Variants in PTPRN2 observed in about 807,000 individuals in gnomAD.
PTPRN2 encodes the protein protein tyrosine phosphatase receptor type N2, also known as receptor-type tyrosine-protein phosphatase N2.
In PTPRN2, 74 loss-of-function variants were observed where a neutral mutation model predicts 118.8. The ratio of observed to expected loss-of-function variants is 0.62; its 90% CI spans 0.52 to 0.76. The LOEUF is 0.76. PTPRN2 is among the 30% of genes least tolerant of loss of function. The probability of loss-of-function intolerance (pLI) is 0.00; values close to 1 mark genes in which losing one functional copy is unlikely to be tolerated. For synonymous variants in PTPRN2, 641 were observed against 608.0 expected (o/e 1.05, Z -0.80); for missense variants, 1,481 against 1,394.4 (o/e 1.06, Z -0.99).
chr7:158,558,540 C>A (rs911122122), intron 1 of PTPRN2, among the ~76,000 whole-genome samples: 1 of 151,988 alleles, frequency 6.6e-6, no homozygotes, highest in Non-Finnish European at 1.5e-5. Context: ...CAGAGCCCAG[C>A]GGAGGCAGGG....
chr7:157,680,012 A>G (rs1272037406), intron 13 of PTPRN2, among the ~76,000 whole-genome samples: 1 of 152,198 alleles, frequency 6.6e-6, no homozygotes, highest in Non-Finnish European at 1.5e-5. Flanking sequence ...TTCCCCAGGT[A>G]AGAACACAAG....
chr7:158,153,124 C>T (rs775899511), intron 6 of PTPRN2, among the ~76,000 whole-genome samples: 8 of 152,172 alleles, frequency 5.3e-5, no homozygotes, highest in East Asian at 1.9e-4. Context: ...CATCGACCAG[C>T]GGAACGATGC....
intron 1 of PTPRN2, among the ~76,000 whole-genome samples, chr7:158,554,230 A>C (rs1311068131): frequency 6.6e-6 from 1 of 152,188 alleles, no homozygotes; most frequent in Non-Finnish European, 1.5e-5. Flanking sequence ...GCGCCACTGC[A>C]CTCCAGCCTG....
intron 11 of PTPRN2, among the ~76,000 whole-genome samples, chr7:158,058,295 T>C (rs34048153): frequency 7.1e-6 from 1 of 140,850 alleles, no homozygotes; most frequent in African/African-American, 2.7e-5. Context: ...CGGTGAGACA[T>C]CACTGCAGCC....
At chr7:158,383,363 A>G (rs1811106672) in intron 2 of PTPRN2, among the ~76,000 whole-genome samples, 1 of 152,222 alleles carries the variant, frequency 6.6e-6, no homozygotes, top group South Asian at 2.1e-4. Flanking sequence ...CAGAGCAATC[A>G]TGCACATAAT....
rs1203020094 is a variant in PTPRN2, at chr7:157,953,740, T to A, written c.1724-55003A>T. 6.6e-6 allele frequency among the ~76,000 whole-genome samples: 1 copy of A among 152,028 alleles called. No homozygotes were observed. The highest frequency in any genetic ancestry group is 2.4e-5 in the African/African-American group (1 of 41,380). On this transcript the variant is annotated intron_variant, in intron 11 of 22. Coordinates refer to ENST00000389418, the MANE Select transcript of PTPRN2 (RefSeq NM_002847.5). The surrounding 1 kb of genome is among the most constrained non-coding windows in gnomAD (Gnocchi z 4.6). ...TCTGAGGACTCAGACCCGGGGCAGC[T>A]GGTGGAAGCTGGGGTTAAGAGTGGA... is the stretch of plus-strand genomic sequence containing the variant.
chr7:157,974,138 C>A lies in PTPRN2; in HGVS notation c.1724-75401G>T, dbSNP rs1190475977. Among the ~76,000 whole-genome samples the A allele has an allele frequency of 1.3e-5, 2 of 152,206 alleles. No individual in the cohort carries two copies. The highest frequency in any genetic ancestry group is 1.3e-4 in the Admixed American group (2 of 15,284). ...GTGGGTTGGCGGTGTTGACGCTGCA[C>A]AGGTCATGAGCGCCGGCCCTGCGGA... On this transcript the variant is annotated intron_variant, in intron 11 of 22. Transcript: ENST00000389418. The surrounding 1 kb of genome is among the most constrained non-coding windows in gnomAD (Gnocchi z 4.0).
intron 22 of PTPRN2, among the ~76,000 whole-genome samples, chr7:157,542,714 C>T (rs79420672): frequency 0.01 from 1,554 of 152,316 alleles, 20 homozygotes; most frequent in African/African-American, 0.036. Flanking sequence ...AGGTGCTCTA[C>T]TCACTGGCCA....
intron 2 of PTPRN2, among the ~76,000 whole-genome samples, chr7:158,477,671 T>C (rs565685609): frequency 6.6e-6 from 1 of 152,342 alleles, no homozygotes; most frequent in South Asian, 2.1e-4. Flanking sequence ...CTGAATTTTC[T>C]ATTAAAGCAA....
intron 12 of PTPRN2, among the ~76,000 whole-genome samples, chr7:157,702,017 C>G (rs949098510): frequency 7.0e-6 from 1 of 143,230 alleles, no homozygotes; most frequent in Non-Finnish European, 1.5e-5. Flanking sequence ...GTAACTGACG[C>G]GGGCTGTGCA....
At chr7:158,411,219 G>C (rs901130985) in intron 2 of PTPRN2, among the ~76,000 whole-genome samples, 16 of 152,162 alleles carry the variant, frequency 1.1e-4, no homozygotes, top group Non-Finnish European at 1.5e-5. Flanking sequence ...CTCCGTTTCT[G>C]CCTCCCACGG....
rs1803673549 is a variant in PTPRN2 at position 157,627,765 on chromosome 7, G to A, written c.2197-6256C>T. ...ATTCCTAGATCAAACCATTCATGGA[G>A]AAAGCTACGGGGACTCAGGAAGTGG... On this transcript the variant is annotated intron_variant, in intron 14 of 22. Coordinates refer to ENST00000389418, the MANE Select transcript of PTPRN2 (RefSeq NM_002847.5). This position sits in a 1 kb window ranked among gnomAD's most constrained non-coding sequence, Gnocchi z 4.2. 6.6e-6 allele frequency among the ~76,000 whole-genome samples: 1 copy of A among 152,138 alleles called. No individual in the cohort carries two copies. The highest frequency in any genetic ancestry group is 2.4e-5 in the African/African-American group (1 of 41,424).
intron 12 of PTPRN2, among the ~76,000 whole-genome samples, chr7:157,882,474 C>CA (rs1312644607): frequency 8.5e-6 from 1 of 117,486 alleles, no homozygotes; most frequent in African/African-American, 3.2e-5. Context: ...ACACCACCCC[C>CA]AAAATGACTG....
At chr7:157,791,179 G>A (rs1008606281) in intron 12 of PTPRN2, among the ~76,000 whole-genome samples, 1 of 152,192 alleles carries the variant, frequency 6.6e-6, no homozygotes, top group Non-Finnish European at 1.5e-5. Flanking sequence ...ACAAGCTCTC[G>A]CGGAGGGTAT....
intron 1 of PTPRN2, among the ~76,000 whole-genome samples, chr7:158,538,108 A>G (rs1586900514): frequency 1.3e-5 from 2 of 152,224 alleles, no homozygotes; most frequent in Non-Finnish European, 2.9e-5. Context: ...CCCCCTGTGG[A>G]GCTCTCTTCC....
chr7:158,464,840 A>G (rs1221302219), intron 2 of PTPRN2, among the ~76,000 whole-genome samples: 1 of 152,242 alleles, frequency 6.6e-6, no homozygotes, highest in African/African-American at 2.4e-5. Flanking sequence ...CATCACCATC[A>G]TCATCCTTAC....
At chr7:158,329,538 G>A (rs552061279) in intron 2 of PTPRN2, among the ~76,000 whole-genome samples, 36 of 152,274 alleles carry the variant, frequency 2.4e-4, no homozygotes, top group African/African-American at 7.9e-4. Context: ...AGGAGGCACC[G>A]TCGATGAGCC....
chr7:158,585,166 G>GC (rs1259695435), intron 1 of PTPRN2, among the ~76,000 whole-genome samples: 1 of 152,188 alleles, frequency 6.6e-6, no homozygotes, highest in Non-Finnish European at 1.5e-5. Flanking sequence ...AGCAGCACCT[G>GC]CCCGGCACAG....
chr7:157,664,504 C>A (rs796548587), intron 13 of PTPRN2, among the ~76,000 whole-genome samples: 2 of 152,246 alleles, frequency 1.3e-5, no homozygotes, highest in African/African-American at 2.4e-5. Context: ...TGGTGGCTCA[C>A]GCCTGTAATC....
Sources: allele counts gnomAD v4.1 joint callset (sites outside exome capture counted in the v4.1 genomes callset), GRCh38; gene constraint gnomAD v4.1.1; non-coding constraint Gnocchi (gnomAD v3.1); transcripts MANE v1.5; gene names NCBI Gene and HGNC (gene_info 2026-07-23, HGNC 2026-07-21).